Variants in CLVS1 observed in about 807,000 individuals in gnomAD.
The protein encoded by CLVS1 is clavesin-1.
In CLVS1, 10 loss-of-function variants were observed where a neutral mutation model predicts 33.1. The observed-to-expected ratio is 0.30, with a 90% CI of 0.19 to 0.51. CLVS1 has a LOEUF of 0.51. CLVS1 is among the 20% of genes least tolerant of loss of function. The pLI is 0.97. For missense variants in CLVS1, 343 were observed against 433.4 expected, an observed-to-expected ratio of 0.79 and a Z score of 1.85; for synonymous variants, 163 against 166.1, an observed-to-expected ratio of 0.98 and a Z score of 0.14.
intron 2 of CLVS1, among the ~76,000 whole-genome samples, chr8:61,155,319 A>T (rs1401399776): frequency 6.6e-6 from 1 of 152,136 alleles, no homozygotes; most frequent in Non-Finnish European, 1.5e-5. Flanking sequence ...TTGACAAACA[A>T]CCCGCAAGAA....
At chr8:61,180,631 CT>C (rs1272525051) in intron 2 of CLVS1, among the ~76,000 whole-genome samples, 1 of 152,162 alleles carries the variant, frequency 6.6e-6, no homozygotes, top group East Asian at 1.9e-4. Context: ...CATCAAAAAG[CT>C]TATTCACCAT....
intron 2 of CLVS1, among the ~76,000 whole-genome samples, chr8:61,360,076 G>A (rs1812912181): frequency 6.6e-6 from 1 of 152,164 alleles, no homozygotes; most frequent in Non-Finnish European, 1.5e-5. Context: ...GTTTGGGAAA[G>A]GGCAGACTTG....
chr8:61,439,766 A>G (rs1816472073), intron 3 of CLVS1, among the ~76,000 whole-genome samples: 1 of 151,916 alleles, frequency 6.6e-6, no homozygotes, highest in Non-Finnish European at 1.5e-5. Flanking sequence ...TTTTTCACCT[A>G]TCACTTCCCT....
chr8:61,386,794 G>A (rs1034735548), intron 3 of CLVS1, among the ~76,000 whole-genome samples: 2 of 152,146 alleles, frequency 1.3e-5, no homozygotes, highest in Non-Finnish European at 2.9e-5. Context: ...AGCAGTGATG[G>A]TAACCTATTA....
intron 2 of CLVS1, among the ~76,000 whole-genome samples, chr8:61,184,232 G>A (rs1317433569): frequency 6.6e-6 from 1 of 152,212 alleles, no homozygotes; most frequent in African/African-American, 2.4e-5. Flanking sequence ...ATGGAGAGCG[G>A]GGAGTCAGGA....
At chr8:61,472,921 C>T (rs995489721) in intron 5 of CLVS1, among the ~76,000 whole-genome samples, 13 of 152,022 alleles carry the variant, frequency 8.6e-5, no homozygotes, top group Non-Finnish European at 1.9e-4. Context: ...GTTAACCTGG[C>T]GGACACTGCC....
the CLVS1 span, among the ~76,000 whole-genome samples, chr8:61,050,790 C>T: frequency 6.6e-6 from 1 of 152,240 alleles, no homozygotes; most frequent in Non-Finnish European, 1.5e-5. Context: ...TGTCTGTGGC[C>T]TGCAGCCCAG....
intron 1 of CLVS1, among the ~76,000 whole-genome samples, chr8:61,290,944 A>G (rs1809966436): frequency 6.6e-6 from 1 of 152,218 alleles, no homozygotes; most frequent in South Asian, 2.1e-4. Flanking sequence ...GAATTTTGAC[A>G]AGTCTGCAAC....
chr8:61,134,895 G>T (rs973897393), intron 2 of CLVS1, among the ~76,000 whole-genome samples: 2 of 151,942 alleles, frequency 1.3e-5, no homozygotes, highest in African/African-American at 4.8e-5. Context: ...TTGCTGGGGG[G>T]GTGGGTAGTT....
At chr8:61,299,363 T>C (rs1318435320) in intron 1 of CLVS1, among the ~76,000 whole-genome samples, 18 of 152,314 alleles carry the variant, frequency 1.2e-4, no homozygotes, top group Non-Finnish European at 2.6e-4. Context: ...CTCCTCTCAC[T>C]GTTTCTTAAG....
chr8:61,373,574 A>G (rs576291685), intron 2 of CLVS1, among the ~76,000 whole-genome samples: 6 of 152,316 alleles, frequency 3.9e-5, no homozygotes, highest in African/African-American at 1.2e-4. Context: ...TGAGATAGAG[A>G]TTAAGTAATT....
chr8:61,297,990 T>C (rs1371020788), intron 1 of CLVS1, among the ~76,000 whole-genome samples: 2 of 152,216 alleles, frequency 1.3e-5, no homozygotes, highest in African/African-American at 4.8e-5. Context: ...TGAGTTTGCT[T>C]GGAACCTGTT....
Position 61,308,604 on chromosome 8 carries a change from G to T in CLVS1, c.455+8322G>T, listed in dbSNP as rs139614211. On this transcript the variant is annotated intron_variant, in intron 2 of 5. Transcript: ENST00000325897. The stretch of plus-strand genomic sequence containing the variant: ...AAATGCTTAGCATCCCCTCTTCCGG[G>T]CACTGTGATAACCCAGAAGACCTCC... Among the ~76,000 whole-genome samples, 367 of 152,204 alleles carry T rather than the reference G, an allele frequency of 2.4e-3. 4 individuals carry two copies. Among genetic ancestry groups the T allele is most frequent in the African/African-American group, 8.0e-3 (334 of 41,522 alleles).
chr8:60,976,538 A>C, the CLVS1 span, among the ~76,000 whole-genome samples: 2 of 152,084 alleles, frequency 1.3e-5, no homozygotes, highest in East Asian at 3.9e-4. Context: ...CTTGTTTCTA[A>C]ATCAAAATTA....
chr8:61,037,989 C>A, the CLVS1 span, among the ~76,000 whole-genome samples: 1 of 152,066 alleles, frequency 6.6e-6, no homozygotes, highest in African/African-American at 2.4e-5. Context: ...GAAACCAGGG[C>A]AGTGCAGAGT....
At chr8:61,270,473 C>G (rs1352548984) in intron 2 of CLVS1, among the ~76,000 whole-genome samples, 2 of 152,066 alleles carry the variant, frequency 1.3e-5, no homozygotes, top group African/African-American at 4.8e-5. Flanking sequence ...GTCTAAAATT[C>G]CCTTTTTTTG....
At chr8:61,031,676 G>A in the CLVS1 span, among the ~76,000 whole-genome samples, 6 of 152,148 alleles carry the variant, frequency 3.9e-5, no homozygotes. Flanking sequence ...CAAAGTTCCT[G>A]GCCATCGAAA....
chr8:61,189,263 C>G (rs1228010006), intron 2 of CLVS1, among the ~76,000 whole-genome samples: 1 of 152,102 alleles, frequency 6.6e-6, no homozygotes, highest in Non-Finnish European at 1.5e-5. Flanking sequence ...ATTTCATATC[C>G]AGCCAAACTA....
intron 2 of CLVS1, among the ~76,000 whole-genome samples, chr8:61,338,816 G>A (rs559946040): frequency 6.6e-6 from 1 of 151,952 alleles, no homozygotes; most frequent in Admixed American, 6.5e-5. Flanking sequence ...CCTCTGCCCC[G>A]GGGAGGCTCT....
Sources: allele counts gnomAD v4.1 joint callset (sites outside exome capture counted in the v4.1 genomes callset), GRCh38; gene constraint gnomAD v4.1.1; transcripts MANE v1.5; gene names NCBI Gene and HGNC (gene_info 2026-07-23, HGNC 2026-07-21).